The following CSMD1 variants were observed in gnomAD, a reference collection of about 807,000 sequenced individuals.
CSMD1 encodes CUB and Sushi multiple domains 1, also known as CUB and sushi domain-containing protein 1.
In CSMD1, 213 loss-of-function variants were observed where a neutral mutation model predicts 417.5. The ratio of observed to expected loss-of-function variants is 0.51; its 90% CI spans 0.46 to 0.57. The LOEUF is 0.57. Ranked by LOEUF, CSMD1 falls within the 20% of genes least tolerant of loss-of-function variation. CSMD1 has a pLI of 0.00. For missense variants in CSMD1, 6,923 were observed against 4,529.7 expected (o/e 1.53, Z -15.17); for synonymous variants, 2,862 against 1,736.8 (o/e 1.65, Z -16.11).
At chr8:4,406,253 T>C (rs113317408) in intron 3 of CSMD1, among the ~76,000 whole-genome samples, 114 of 152,238 alleles carry the variant, frequency 7.5e-4, no homozygotes, top group African/African-American at 2.3e-3. Flanking sequence ...GTGGCTCTCC[T>C]GGTGCATTTG....
At chr8:4,965,704 T>C (rs1016536825) in intron 1 of CSMD1, among the ~76,000 whole-genome samples, 7 of 152,192 alleles carry the variant, frequency 4.6e-5, no homozygotes, top group South Asian at 2.1e-4. Context: ...TCAAATAAGA[T>C]AATAAAATTG....
At chr8:4,190,253 CAAAAA>C (rs11397581) in intron 3 of CSMD1, among the ~76,000 whole-genome samples, 2 of 67,028 alleles carry the variant, frequency 3.0e-5, no homozygotes, top group Non-Finnish European at 6.0e-5. Context: ...ACTCCGTCTC[CAAAAA>C]AAAAAAAAAA....
At chr8:4,772,788 T>C (rs993265751) in intron 1 of CSMD1, among the ~76,000 whole-genome samples, 1 of 152,182 alleles carries the variant, frequency 6.6e-6, no homozygotes, top group African/African-American at 2.4e-5. Flanking sequence ...TTCCAGGGCT[T>C]AAGGTACTCA....
chr8:4,440,465 CA>C (rs921931072), intron 2 of CSMD1, among the ~76,000 whole-genome samples: 10 of 151,286 alleles, frequency 6.6e-5, no homozygotes, highest in Admixed American at 1.3e-4. Context: ...TTGTTACTCA[CA>C]AAAAAAAATC....
At chr8:3,781,391 G>A (rs111271457) in intron 5 of CSMD1, among the ~76,000 whole-genome samples, 3 of 152,178 alleles carry the variant, frequency 2.0e-5, no homozygotes, top group African/African-American at 7.2e-5. Context: ...GTTAATGCAA[G>A]CTTGTGCTGT....
chr8:4,417,431 G>T (rs186238498), intron 3 of CSMD1, among the ~76,000 whole-genome samples: 3 of 151,942 alleles, frequency 2.0e-5, no homozygotes, highest in Non-Finnish European at 4.4e-5. Flanking sequence ...AACTTTGGAA[G>T]ATTCTTCTCC....
chr8:3,530,354 A>ATTTCAT lies in CSMD1; in HGVS notation c.1345-36634_1345-36629dup, dbSNP rs1371305807. On this transcript the variant is annotated intron_variant, in intron 10 of 69. Transcript: ENST00000635120. ...ATCCTGTAAGTTTTGGTATGTTGTAATTTCATTTTCATTTGTCTCAAGGAA... is the reference window on the plus strand; with the variant it reads ...ATCCTGTAAGTTTTGGTATGTTGTAATTTCATTTTCATTTTCATTTGTCTCAAGGAA... Among the ~76,000 whole-genome samples the ATTTCAT allele has an allele frequency of 9.9e-5, 15 of 151,958 alleles. No homozygotes were observed. The East Asian group carries it at 2.7e-3, about 27-fold the overall frequency.
intron 23 of CSMD1, among the ~76,000 whole-genome samples, chr8:3,311,399 G>A (rs892816331): frequency 6.6e-6 from 1 of 152,082 alleles, no homozygotes. Flanking sequence ...ATAAGTGCGA[G>A]CCATCACACC....
chr8:4,237,887 A>G (rs1802162898), intron 3 of CSMD1, among the ~76,000 whole-genome samples: 1 of 152,190 alleles, frequency 6.6e-6, no homozygotes, highest in African/African-American at 2.4e-5. Flanking sequence ...TTCCTTAAAC[A>G]GAAGTCTATC....
chr8:3,567,556 G>C (rs560720881), intron 10 of CSMD1, among the ~76,000 whole-genome samples: 28 of 151,418 alleles, frequency 1.8e-4, no homozygotes, highest in African/African-American at 3.2e-4. Context: ...GGGAAGGAAA[G>C]GGAAGGGAAG....
chr8:3,593,342 T>A (rs1031822421), intron 8 of CSMD1, among the ~76,000 whole-genome samples: 1 of 152,186 alleles, frequency 6.6e-6, no homozygotes, highest in Non-Finnish European at 1.5e-5. Context: ...TGGTGCTTCA[T>A]AGAGTCTGGA....
intron 2 of CSMD1, among the ~76,000 whole-genome samples, chr8:4,599,648 G>C (rs539367861): frequency 2.1e-4 from 32 of 152,082 alleles, no homozygotes; most frequent in African/African-American, 6.3e-4. Flanking sequence ...TAGACATTTG[G>C]TTATTTGTAG....
chr8:4,153,073 A>T (rs6988775), intron 3 of CSMD1, among the ~76,000 whole-genome samples: 40,962 of 152,020 alleles, frequency 0.27, 6,065 homozygotes, highest in African/African-American at 0.39. Context: ...TGAAGGGGGT[A>T]TGATTCTTTT....
rs1293098893 is a variant in CSMD1 at position 4,788,394 on chromosome 8, G to A, written c.86-150836C>T. On this transcript the variant is annotated intron_variant, in intron 1 of 69. Coordinates refer to ENST00000635120, the MANE Select transcript of CSMD1 (RefSeq NM_033225.6). The stretch of plus-strand genomic sequence containing the variant: ...CACACCAGACTGGGGAGCTCAGGAT[G>A]TGTGGTCTTCTCTTTGACTACCCAG... 37 of 1,398,998 alleles carry A rather than the reference G, an allele frequency of 2.6e-5. 1 individual carries two copies. Among genetic ancestry groups the A allele is most frequent in the South Asian group, 1.9e-4 (16 of 83,720 alleles). The allele number at this position is 1,398,998 out of a possible 1,614,324, so 86.7% of individuals were successfully genotyped here. A position where few individuals can be genotyped will look rare whatever the true frequency, so the allele number is the denominator to read the frequency against.
chr8:3,020,304 A>G lies in CSMD1; in HGVS notation c.7856-1654T>C, dbSNP rs149153852. Among the ~76,000 whole-genome samples the G allele has an allele frequency of 1.9e-3, 292 of 152,328 alleles. 4 individuals are homozygous for G. The highest frequency in any genetic ancestry group is 0.014 in the Middle Eastern group (4 of 294). ...TTTAGTCAATTGAACCAAAAGTAGA[A>G]AAACCTTTAGAGATAATTCAAGTGA... On this transcript the variant is annotated intron_variant, in intron 51 of 69. Transcript: ENST00000635120.
At chr8:4,845,617 C>G (rs1191634604) in intron 1 of CSMD1, among the ~76,000 whole-genome samples, 1 of 152,170 alleles carries the variant, frequency 6.6e-6, no homozygotes, top group African/African-American at 2.4e-5. Flanking sequence ...GCCAGGCTCT[C>G]TTTTAGGAGC....
chr8:3,150,247 C>T lies in CSMD1; in HGVS notation c.6031+1150G>A, dbSNP rs532285202. ...CTATAATAATCCTTCCACAGAGTCT[C>T]TCCCTTCCTTGACCACCACCGTGGC... is the stretch of plus-strand genomic sequence containing the variant. On this transcript the variant is annotated intron_variant, in intron 40 of 69. Transcript: ENST00000635120. Among the ~76,000 whole-genome samples the T allele has an allele frequency of 2.0e-5, 3 of 152,324 alleles. No individual in the cohort carries two copies. The South Asian group carries it at 6.2e-4, about 32-fold the overall frequency.
intron 10 of CSMD1, among the ~76,000 whole-genome samples, chr8:3,537,603 T>C (rs1026409779): frequency 1.6e-4 from 25 of 152,222 alleles, no homozygotes; most frequent in Admixed American, 1.4e-3. Context: ...GATAATGTAA[T>C]GATGGAAATT....
chr8:3,525,594 C>A (rs1434802532), intron 10 of CSMD1, among the ~76,000 whole-genome samples: 2 of 152,172 alleles, frequency 1.3e-5, no homozygotes, highest in African/African-American at 4.8e-5. Flanking sequence ...ATAAGTCTGT[C>A]ACTAGGAGGG....
Sources: allele counts gnomAD v4.1 joint callset (sites outside exome capture counted in the v4.1 genomes callset), GRCh38; gene constraint gnomAD v4.1.1; transcripts MANE v1.5; gene names NCBI Gene and HGNC (gene_info 2026-07-23, HGNC 2026-07-21).